The following EFCAB6 variants were observed in gnomAD, a reference collection of about 807,000 sequenced individuals.
EFCAB6 encodes EF-hand calcium binding domain 6.
Under a neutral mutation model 169.8 loss-of-function variants are expected in EFCAB6, and 156 were observed. That is an observed-to-expected ratio of 0.92 (90% CI 0.81 to 1.05). The LOEUF is 1.05. Ranked by LOEUF, EFCAB6 falls within the 50% of genes least tolerant of loss-of-function variation. The probability of loss-of-function intolerance (pLI) is 0.00; values close to 1 mark genes in which losing one functional copy is unlikely to be tolerated. For synonymous variants in EFCAB6, 698 were observed against 676.4 expected, an observed-to-expected ratio of 1.03 and a Z score of -0.50; for missense variants, 1,800 against 1,829.1, an observed-to-expected ratio of 0.98 and a Z score of 0.29.
rs1275964238 is a variant in EFCAB6 at position 43,534,873 on chromosome 22, C to A, written c.4049-1G>T. 1.9e-6 allele frequency: 3 copies of A among 1,591,236 alleles called. No homozygotes were observed. Among genetic ancestry groups the A allele is most frequent in the Admixed American group, 1.8e-5 (1 of 54,908 alleles). Reference sequence around the variant, plus strand: ...TCCAGGTTGAATTTCTCCACAAGAGCTACAGAAAAAAATGGCAGTTCAATT... The same window carrying A: ...TCCAGGTTGAATTTCTCCACAAGAGATACAGAAAAAAATGGCAGTTCAATT... On this transcript the variant is annotated splice_acceptor_variant, in intron 29 of 31. Transcript: ENST00000262726. LOFTEE classifies it high-confidence loss of function.
chr22:43,569,317 T>C (rs1393205790), intron 26 of EFCAB6, among the ~76,000 whole-genome samples: 2 of 152,260 alleles, frequency 1.3e-5, no homozygotes, highest in Admixed American at 6.5e-5. Flanking sequence ...CCTTGCCAAC[T>C]TTCCATGATG....
chr22:43,684,386 G>A (rs2058111651), intron 11 of EFCAB6, among the ~76,000 whole-genome samples: 1 of 152,082 alleles, frequency 6.6e-6, no homozygotes, highest in Non-Finnish European at 1.5e-5. Flanking sequence ...TGAGCTCGGG[G>A]CCCGTCAGTG....
intron 17 of EFCAB6, among the ~76,000 whole-genome samples, chr22:43,656,257 G>A (rs990452691): frequency 4.6e-5 from 7 of 152,118 alleles, no homozygotes; most frequent in Admixed American, 1.3e-4. Flanking sequence ...AGGTGTGGTG[G>A]TGTATGCCTG....
At chr22:43,549,811 C>A (rs2048282213) in intron 27 of EFCAB6, among the ~76,000 whole-genome samples, 1 of 152,196 alleles carries the variant, frequency 6.6e-6, no homozygotes, top group African/African-American at 2.4e-5. Context: ...TTTAATACCT[C>A]ATGAGCAAGT....
intron 8 of EFCAB6, among the ~76,000 whole-genome samples, chr22:43,717,373 TAAA>T (rs781138426): frequency 7.8e-6 from 1 of 128,840 alleles, no homozygotes; most frequent in Admixed American, 7.8e-5. Flanking sequence ...TTTTGTTTGG[TAAA>T]AAAAAAAAAA....
intron 10 of EFCAB6, among the ~76,000 whole-genome samples, chr22:43,692,036 A>G (rs1456067794): frequency 6.6e-6 from 1 of 152,208 alleles, no homozygotes; most frequent in African/African-American, 2.4e-5. Flanking sequence ...GACTAATCCC[A>G]GCCAAAAGAG....
chr22:43,711,764 A>C (rs1266976639), intron 9 of EFCAB6, 141 bp from the exon 10 acceptor site: 1 of 960,394 alleles, frequency 1.0e-6, no homozygotes, highest in Non-Finnish European at 1.4e-6. Context: ...CATGTACTGA[A>C]CTTCAAATGT....
At position 43,564,274 on chromosome 22, in the gene EFCAB6, C is replaced by A. The variant is rs191993612; in HGVS notation, c.3421-9178G>T. ...ACCAGCCTGGCCAACATGGCGAAAC[C>A]CCATCTCTACAAAAAATACAAAAAT... On this transcript the variant is annotated intron_variant, in intron 26 of 31. Transcript: ENST00000262726. Among the ~76,000 whole-genome samples, 452 of 151,684 alleles carry A rather than the reference C, an allele frequency of 3.0e-3. 3 individuals are homozygous for A. The highest frequency in any genetic ancestry group is 4.7e-3 in the Non-Finnish European group (319 of 67,908).
At chr22:43,603,914 G>C (rs1252495360) in intron 22 of EFCAB6, among the ~76,000 whole-genome samples, 2 of 152,220 alleles carry the variant, frequency 1.3e-5, no homozygotes, top group Non-Finnish European at 2.9e-5. Context: ...CTAGTGGGAG[G>C]TGACTGGATC....
intron 8 of EFCAB6, among the ~76,000 whole-genome samples, chr22:43,727,437 A>G (rs1174320223): frequency 6.6e-6 from 1 of 152,188 alleles, no homozygotes; most frequent in Non-Finnish European, 1.5e-5. Flanking sequence ...CAAAAAGAAA[A>G]AAAAATTTTT....
intron 26 of EFCAB6, among the ~76,000 whole-genome samples, chr22:43,575,313 C>A (rs998613301): frequency 6.6e-6 from 1 of 151,394 alleles, no homozygotes; most frequent in Non-Finnish European, 1.5e-5. Context: ...GCCTCAGCCT[C>A]CTGAGTAGCT....
intron 9 of EFCAB6, among the ~76,000 whole-genome samples, chr22:43,714,493 G>T (rs958529324): frequency 2.0e-5 from 3 of 150,628 alleles, no homozygotes; most frequent in African/African-American, 7.3e-5. Flanking sequence ...TCCATGCCGA[G>T]ATATAGCTTT....
intron 26 of EFCAB6, among the ~76,000 whole-genome samples, chr22:43,557,881 A>T (rs62225947): frequency 0.063 from 9,568 of 152,298 alleles, 359 homozygotes; most frequent in Admixed American, 0.093. Flanking sequence ...TCCTTACTTT[A>T]GTGAAGGCCA....
At chr22:43,643,320 C>T (rs73887370) in intron 17 of EFCAB6, among the ~76,000 whole-genome samples, 5,224 of 152,338 alleles carry the variant, frequency 0.034, 280 homozygotes, top group African/African-American at 0.12. Context: ...AAGATTTGAA[C>T]ACGAGTTGGT....
chr22:43,634,046 G>T (rs2055189703), intron 18 of EFCAB6, among the ~76,000 whole-genome samples: 2 of 152,144 alleles, frequency 1.3e-5, no homozygotes, highest in Non-Finnish European at 2.9e-5. Context: ...AACACAGGCA[G>T]CCAGGAAGCC....
Position 43,660,036 on chromosome 22 carries a change from C to T in EFCAB6, c.1983+7068G>A, listed in dbSNP as rs145456423. The stretch of plus-strand genomic sequence containing the variant: ...CAGCTCTGCGTCTGTCTCCAGAGGC[C>T]GAGGTGGGGTCTCCAGAGGTGGTAC... On this transcript the variant is annotated intron_variant, in intron 17 of 31. Coordinates refer to ENST00000262726, the MANE Select transcript of EFCAB6 (RefSeq NM_022785.4). 2.5e-3 allele frequency among the ~76,000 whole-genome samples: 376 copies of T among 152,182 alleles called. 4 individuals are homozygous for T. Among genetic ancestry groups the T allele is most frequent in the African/African-American group, 8.6e-3 (359 of 41,528 alleles).
chr22:43,804,446 G>A (rs2148201286), intron 2 of EFCAB6, among the ~76,000 whole-genome samples: 1 of 152,192 alleles, frequency 6.6e-6, no homozygotes, highest in Non-Finnish European at 1.5e-5. Context: ...AAACCCAAAA[G>A]TAGTAGAAGG....
chr22:43,629,614 C>G (rs574584311), intron 19 of EFCAB6, among the ~76,000 whole-genome samples: 17 of 152,202 alleles, frequency 1.1e-4, no homozygotes, highest in African/African-American at 4.1e-4. Flanking sequence ...ACTGCAGCAC[C>G]CTGCGGGCTG....
At chr22:43,723,602 TATGA>T in intron 8 of EFCAB6, among the ~76,000 whole-genome samples, 1 of 152,268 alleles carries the variant, frequency 6.6e-6, no homozygotes, top group East Asian at 1.9e-4. Flanking sequence ...AAGATCAAAT[TATGA>T]ATAAGGAAAA....
Sources: allele counts gnomAD v4.1 joint callset (sites outside exome capture counted in the v4.1 genomes callset), GRCh38; gene constraint gnomAD v4.1.1; transcripts MANE v1.5; gene names NCBI Gene and HGNC (gene_info 2026-07-23, HGNC 2026-07-21).